Variants in GIT2 observed in about 807,000 individuals in gnomAD.
GIT2 encodes the protein GIT ArfGAP 2, also known as ARF GTPase-activating protein GIT2.
Under a neutral mutation model 100.3 loss-of-function variants are expected in GIT2, and 32 were observed. The ratio of observed to expected loss-of-function variants is 0.32; its 90% confidence interval spans 0.24 to 0.43. The LOEUF (loss-of-function observed/expected upper bound fraction) is 0.43. GIT2 is among the 20% of genes least tolerant of loss of function. The pLI is 1.00. For synonymous variants in GIT2, 353 were observed against 364.1 expected (o/e 0.97, Z 0.35); for missense variants, 737 against 975.1 (o/e 0.76, Z 3.25).
chr12:109,947,541 T>C lies in GIT2; in HGVS notation c.1393-37A>G, dbSNP rs201755096. ...GTTTGGCAGTGGGACTGTGTTTTTTTACAGCAAGCAGAAAAAGCAAACACC... is the reference window on the plus strand; with the variant it reads ...GTTTGGCAGTGGGACTGTGTTTTTTCACAGCAAGCAGAAAAAGCAAACACC... On this transcript the variant is annotated intron_variant, in intron 14 of 19. Coordinates refer to ENST00000355312, the MANE Select transcript of GIT2 (RefSeq NM_057169.5). The surrounding 1 kb of genome is among the most constrained non-coding windows in gnomAD (Gnocchi z 4.3). 2.6e-5 allele frequency: 41 copies of C among 1,593,224 alleles called. No individual in the cohort carries two copies. In the East Asian group the frequency reaches 5.2e-4, roughly 20 times the overall value.
At chr12:109,951,919 G>A (rs1877974639) in intron 13 of GIT2, among the ~76,000 whole-genome samples, 1 of 152,184 alleles carries the variant, frequency 6.6e-6, no homozygotes, top group Non-Finnish European at 1.5e-5. Context: ...CATGAATCTG[G>A]AGGAAGAACA....
intron 16 of GIT2, chr12:109,942,995 T>G (rs1356661515): frequency 6.6e-6 from 1 of 152,214 alleles, no homozygotes; most frequent in African/African-American, 2.4e-5. Context: ...AATAGGAAGG[T>G]TACCTTATAG....
chr12:109,956,845 C>T lies in GIT2; in HGVS notation c.1099+3002G>A, dbSNP rs111930493. Among the ~76,000 whole-genome samples, 800 of 151,846 alleles carry T rather than the reference C, an allele frequency of 5.3e-3. 8 individuals are homozygous for T. Among genetic ancestry groups the T allele is most frequent in the African/African-American group, 0.018 (764 of 41,420 alleles). ...TAGCCTGGCCAACATGGAGAAACCC[C>T]GTCTCTACTAAAAAATACAAAAATT... On this transcript the variant is annotated intron_variant, in intron 12 of 19. Coordinates refer to ENST00000355312, the MANE Select transcript of GIT2 (RefSeq NM_057169.5).
intron 9 of GIT2, 52 bp from the exon 10 acceptor site, chr12:109,961,737 G>T: frequency 9.4e-7 from 1 of 1,067,034 alleles, no homozygotes. Flanking sequence ...ATGCCAGGAG[G>T]ACAAGAGGGA....
At chr12:109,990,582 T>A (rs1888185413) in intron 2 of GIT2, among the ~76,000 whole-genome samples, 1 of 152,262 alleles carries the variant, frequency 6.6e-6, no homozygotes, top group Non-Finnish European at 1.5e-5. Flanking sequence ...CCACTTGTTT[T>A]GGCTCCTTGG....
At chr12:109,965,781 C>T (rs1246901257) in intron 8 of GIT2, 5 of 716,674 alleles carry the variant, frequency 7.0e-6, no homozygotes, top group African/African-American at 1.7e-5. Context: ...ATACCACAAT[C>T]ATGTAAGTGT....
intron 7 of GIT2, among the ~76,000 whole-genome samples, chr12:109,969,162 C>CTTTTTTTT (rs71079595): frequency 5.6e-5 from 5 of 89,100 alleles, no homozygotes; most frequent in African/African-American, 1.4e-4. Flanking sequence ...AAAACTTTTC[C>CTTTTTTTT]TTTTTTTTTT....
intron 16 of GIT2, among the ~76,000 whole-genome samples, chr12:109,941,831 C>CTT (rs775499234): frequency 7.0e-6 from 1 of 143,726 alleles, no homozygotes; most frequent in African/African-American, 2.5e-5. Context: ...AATTTTTTTT[C>CTT]TTTTTTTTTT....
At position 109,991,714 on chromosome 12, in the gene GIT2, C is replaced by T; in HGVS notation, c.99G>A (p.Glu33=). ...CTAGACTCCGATGGACACTGCAGCA[C>T]TCATCACATAAAAACGTTCCCCTAT... is the stretch of plus-strand genomic sequence containing the variant. ...SVNRGTFLCD[E]CCSVHRSLGR... The change falls in exon 2 of 20, where the codon GAG becomes GAA. Residue 33 remains glutamate (E), a synonymous_variant. Coordinates refer to ENST00000355312, the MANE Select transcript of GIT2 (RefSeq NM_057169.5). 1.2e-6 allele frequency: 2 copies of T among 1,612,798 alleles called. No individual in the cohort carries two copies. Among genetic ancestry groups the T allele is most frequent in the South Asian group, 1.1e-5 (1 of 91,058 alleles).
intron 7 of GIT2, among the ~76,000 whole-genome samples, chr12:109,970,779 G>T (rs1039828678): frequency 4.6e-5 from 7 of 152,050 alleles, no homozygotes; most frequent in African/African-American, 1.7e-4. Flanking sequence ...CCTTCCATTT[G>T]AATTTTTAAA....
chr12:109,980,830 A>G (rs7960775), intron 7 of GIT2, 122 bp downstream of exon 7: 674,252 of 686,142 alleles, frequency 0.98, 331,331 homozygotes, highest in East Asian at 1. Context: ...ATTAAAAGCC[A>G]TATGTATAGC....
At position 109,991,122 on chromosome 12, in the gene GIT2, C is replaced by T. The variant is rs147544373; in HGVS notation, c.186+505G>A. On this transcript the variant is annotated intron_variant, in intron 2 of 19. Transcript: ENST00000355312. ...TTCAGGAGTTCGAGACCAGCCTGGCCAACATGGTGAAACCCCTTCTCTACT... is the reference window on the plus strand; with the variant it reads ...TTCAGGAGTTCGAGACCAGCCTGGCTAACATGGTGAAACCCCTTCTCTACT... Among the ~76,000 whole-genome samples, 1,395 of 152,188 alleles carry T rather than the reference C, an allele frequency of 9.2e-3. 31 individuals carry two copies. Among genetic ancestry groups the T allele is most frequent in the African/African-American group, 0.032 (1,323 of 41,532 alleles).
chr12:109,987,175 G>A (rs1887566012), intron 4 of GIT2, among the ~76,000 whole-genome samples: 1 of 151,752 alleles, frequency 6.6e-6, no homozygotes, highest in African/African-American at 2.4e-5. Flanking sequence ...GAGGTCAGGA[G>A]ATCGAGACCA....
intron 2 of GIT2, among the ~76,000 whole-genome samples, chr12:109,991,155 C>G (rs568555244): frequency 6.6e-6 from 1 of 152,074 alleles, no homozygotes; most frequent in African/African-American, 2.4e-5. Context: ...ACTAAAAATA[C>G]AAAAATTAGC....
rs1234453932 is a variant in GIT2, at chr12:109,931,778, C to T, written c.*1200G>A. 6.6e-6 allele frequency: 1 copy of T among 152,262 alleles called. No individual in the cohort carries two copies. Among genetic ancestry groups the T allele is most frequent in the Non-Finnish European group, 1.5e-5 (1 of 68,068 alleles). The allele number at this position is 152,262 out of a possible 1,614,324, so 9.4% of individuals were successfully genotyped here. On this transcript the variant is annotated 3_prime_UTR_variant, in exon 20 of 20. Transcript: ENST00000355312. ...AGAACAAGAAGGGGCTTTTGAGTAA[C>T]TAAAAAACAATCTGAGCATGTTCCA... is the stretch of plus-strand genomic sequence containing the variant.
rs1872371204 is a variant in GIT2, at chr12:109,934,253, C to T, written c.2004-168G>A. ...GAGGGCACATGGTTATAAAGCAGGA[C>T]TCTCATTGCTTCCTAAAAGTTCAAT... On this transcript the variant is annotated intron_variant, in intron 18 of 19. Coordinates refer to ENST00000355312, the MANE Select transcript of GIT2 (RefSeq NM_057169.5). This position sits in a 1 kb window ranked among gnomAD's most constrained non-coding sequence, Gnocchi z 4.5. The T allele has an allele frequency of 3.4e-6, 2 of 596,860 alleles. No individual in the cohort carries two copies. Among genetic ancestry groups the T allele is most frequent in the Admixed American group, 5.9e-5 (2 of 34,020 alleles). The allele number at this position is 596,860 out of a possible 1,614,324, so 37.0% of individuals were successfully genotyped here. A position where few individuals can be genotyped will look rare whatever the true frequency, so the allele number is the denominator to read the frequency against.
At chr12:109,963,007 A>G (rs949098813) in intron 9 of GIT2, among the ~76,000 whole-genome samples, 2 of 150,988 alleles carry the variant, frequency 1.3e-5, no homozygotes, top group African/African-American at 4.9e-5. Context: ...CCTTGTCTCG[A>G]AAAAAAAAGA....
chr12:109,958,676 A>G (rs1318908886), intron 12 of GIT2, among the ~76,000 whole-genome samples: 2 of 152,246 alleles, frequency 1.3e-5, no homozygotes, highest in Non-Finnish European at 2.9e-5. Flanking sequence ...AGAAGAATGA[A>G]TGAGTTGTTG....
chr12:109,993,305 T>C (rs557233306), intron 1 of GIT2, among the ~76,000 whole-genome samples: 1 of 152,208 alleles, frequency 6.6e-6, no homozygotes, highest in Admixed American at 6.5e-5. Context: ...GTCAAAGGGT[T>C]ACATTTAAAA....
Sources: allele counts gnomAD v4.1 joint callset (sites outside exome capture counted in the v4.1 genomes callset), GRCh38; gene constraint gnomAD v4.1.1; non-coding constraint Gnocchi (gnomAD v3.1); transcripts MANE v1.5; gene names NCBI Gene and HGNC (gene_info 2026-07-23, HGNC 2026-07-21).